Variants in NDUFB6 observed in about 807,000 individuals in gnomAD.
NDUFB6 encodes NADH dehydrogenase [ubiquinone] 1 beta subcomplex subunit 6.
NDUFB6 carries 23 observed loss-of-function variants against 17.5 expected under a neutral mutation model. That is an observed-to-expected ratio of 1.31 (90% CI 0.94 to 1.86). The LOEUF is 1.86. Among genes scored for constraint, NDUFB6 ranks in the 40% most tolerant of loss-of-function variants. The pLI, the probability that NDUFB6 is intolerant of heterozygous loss-of-function variation, is 0.00. For missense variants in NDUFB6, 167 were observed against 153.8 expected, an observed-to-expected ratio of 1.09 and a Z score of -0.46; for synonymous variants, 60 against 53.5, an observed-to-expected ratio of 1.12 and a Z score of -0.53.
Position 32,553,282 on chromosome 9 carries a change from G to A in NDUFB6, c.*594C>T. The A allele has an allele frequency of 5.3e-6, 1 of 187,906 alleles. No homozygotes were observed. The highest frequency in any genetic ancestry group is 1.1e-5 in the Non-Finnish European group (1 of 89,482). 11.6% of individuals were successfully genotyped at this position (187,906 alleles called of 1,614,324 possible). A position where few individuals can be genotyped will look rare whatever the true frequency, so the allele number is the denominator to read the frequency against. Reference sequence around the variant, plus strand: ...CGGCTTACTGCAAGCTCCGCCTTCTGGGTTCACACCAATCTCGTGCCTCAG... The same window carrying A: ...CGGCTTACTGCAAGCTCCGCCTTCTAGGTTCACACCAATCTCGTGCCTCAG... On this transcript the variant is annotated 3_prime_UTR_variant, in exon 4 of 4. Transcript: ENST00000379847.
chr9:32,566,884 C>T (rs1441914900), intron 2 of NDUFB6: 8 of 608,562 alleles, frequency 1.3e-5, no homozygotes, highest in Admixed American at 2.3e-5. Context: ...GTGCGGCTGG[C>T]GAAAAGCACT....
chr9:32,566,955 C>T, intron 2 of NDUFB6: 1 of 522,710 alleles, frequency 1.9e-6, no homozygotes. Context: ...TGAGCAGCAC[C>T]AGCTCGGCAT....
intron 2 of NDUFB6, chr9:32,566,770 C>T (rs1563996669): frequency 7.7e-6 from 7 of 905,074 alleles, no homozygotes; most frequent in African/African-American, 3.3e-5. Context: ...GTGTCGGCTG[C>T]GACGTTCTGG....
At chr9:32,563,491 C>CATTTTTTTTTTTTTTT (rs1821688276) in intron 2 of NDUFB6, among the ~76,000 whole-genome samples, 1 of 92,004 alleles carries the variant, frequency 1.1e-5, no homozygotes, top group African/African-American at 4.4e-5. Flanking sequence ...GACTATTGGG[C>CATTTTTTTTTTTTTTT]TTTTTTTTTT....
chr9:32,566,472 G>T (rs969882155), intron 2 of NDUFB6: 1 of 800,248 alleles, frequency 1.2e-6, no homozygotes, highest in Non-Finnish European at 2.3e-6. Context: ...CGTCCATGTC[G>T]AAGGGACCCT....
At chr9:32,566,825 G>C in intron 2 of NDUFB6, 2 of 886,848 alleles carry the variant, frequency 2.3e-6, no homozygotes, top group Admixed American at 3.6e-5. Flanking sequence ...GCCTCTGTGG[G>C]GGCCTGCTCA....
At chr9:32,567,388 G>A in intron 2 of NDUFB6, 1 of 465,124 alleles carries the variant, frequency 2.1e-6, no homozygotes, top group Non-Finnish European at 4.4e-6. Flanking sequence ...CCAGGCAGTG[G>A]TGCGATCTTG....
intron 2 of NDUFB6, among the ~76,000 whole-genome samples, chr9:32,562,091 C>A (rs1451608984): frequency 2.6e-5 from 4 of 152,202 alleles, no homozygotes; most frequent in African/African-American, 9.6e-5. Context: ...GTCAACAGAC[C>A]TTCCATTCTA....
At chr9:32,554,085 T>C (rs745756205) in intron 3 of NDUFB6, 141 bp from the exon 4 acceptor site, 4 of 513,972 alleles carry the variant, frequency 7.8e-6, no homozygotes, top group Admixed American at 3.5e-5. Flanking sequence ...CTAGACAAAG[T>C]AGAAGCTGAC....
chr9:32,566,268 T>C (rs1192283581), intron 2 of NDUFB6: 4 of 1,130,920 alleles, frequency 3.5e-6, no homozygotes, highest in Non-Finnish European at 5.4e-6. Flanking sequence ...TAATTTTAGG[T>C]TCTCTGAGGT....
intron 3 of NDUFB6, among the ~76,000 whole-genome samples, chr9:32,555,485 G>GA (rs1471994574): frequency 6.6e-6 from 1 of 152,256 alleles, no homozygotes; most frequent in Non-Finnish European, 1.5e-5. Flanking sequence ...TAAGGACAAA[G>GA]AAATGAGACA....
intron 2 of NDUFB6, among the ~76,000 whole-genome samples, chr9:32,559,580 A>C (rs767935339): frequency 6.6e-5 from 10 of 152,134 alleles, no homozygotes; most frequent in Non-Finnish European, 1.2e-4. Flanking sequence ...CTTGTGCCTC[A>C]AGGCCTCTGT....
Position 32,572,918 on chromosome 9 carries a change from T to C in NDUFB6, c.143A>G (p.Asn48Ser). 6.2e-7 allele frequency: 1 copy of C among 1,605,038 alleles called. No individual in the cohort carries two copies. Among genetic ancestry groups the C allele is most frequent in the Non-Finnish European group, 8.5e-7 (1 of 1,175,682 alleles). The stretch of plus-strand genomic sequence containing the variant: ...AGGGGATTTATTCTCCAAAAATTTA[T>C]TCCAGAATTTCTCCATAGGCCCCAT... ...QKMGPMEKFW[N>S]KFLENKSPWR... The change falls in exon 1 of 4, where the codon AAT becomes AGT. Residue 48 changes from asparagine (N) to serine (S), a missense_variant. Transcript: ENST00000379847.
chr9:32,554,185 C>T (rs1007289121), intron 3 of NDUFB6, among the ~76,000 whole-genome samples: 8 of 152,044 alleles, frequency 5.3e-5, no homozygotes, highest in Non-Finnish European at 8.8e-5. Flanking sequence ...AAAAAGGGCA[C>T]GAAAATTGTG....
intron 2 of NDUFB6, among the ~76,000 whole-genome samples, chr9:32,564,908 G>A (rs901615974): frequency 6.6e-6 from 1 of 152,086 alleles, no homozygotes; most frequent in African/African-American, 2.4e-5. Flanking sequence ...ACCATTTTTG[G>A]CCTAGAAAAA....
chr9:32,564,174 C>T (rs565814994), intron 2 of NDUFB6, among the ~76,000 whole-genome samples: 232 of 152,294 alleles, frequency 1.5e-3, no homozygotes, highest in African/African-American at 5.0e-3. Flanking sequence ...ATATCTATTT[C>T]TAGGTCTATC....
intron 2 of NDUFB6, chr9:32,568,672 A>G (rs949243236): frequency 6.1e-6 from 1 of 163,384 alleles, no homozygotes; most frequent in African/African-American, 2.5e-5. Context: ...ATATGTACAT[A>G]TACTTATATA....
At chr9:32,566,719 G>T in intron 2 of NDUFB6, 2 of 861,582 alleles carry the variant, frequency 2.3e-6, no homozygotes, top group Non-Finnish European at 2.0e-6. Context: ...TTCCAAAATC[G>T]GGACTCCAAG....
chr9:32,563,684 A>G (rs1045472093), intron 2 of NDUFB6, among the ~76,000 whole-genome samples: 3 of 152,104 alleles, frequency 2.0e-5, no homozygotes, highest in African/African-American at 7.2e-5. Flanking sequence ...TGATTCTCAA[A>G]TGGTAATTTT....
Sources: gnomAD v4.1 joint callset for allele counts (sites outside exome capture counted in the v4.1 genomes callset) on GRCh38, gnomAD v4.1.1 for gene constraint, MANE v1.5 for transcripts, NCBI Gene and HGNC (gene_info 2026-07-23, HGNC 2026-07-21) for gene names.